The following DLG2 variants were observed in gnomAD, a reference collection of about 807,000 sequenced individuals.
DLG2 encodes disks large homolog 2.
Under a neutral mutation model 132.5 loss-of-function variants are expected in DLG2, and 45 were observed. The observed-to-expected ratio is 0.34, with a 90% CI of 0.27 to 0.44. DLG2 has a LOEUF of 0.44. DLG2 is among the 20% of genes least tolerant of loss of function. DLG2 has a pLI of 1.00. For missense variants in DLG2, 1,045 were observed against 1,196.9 expected (o/e 0.87, Z 1.87); for synonymous variants, 424 against 419.6 (o/e 1.01, Z -0.13).
intron 11 of DLG2, among the ~76,000 whole-genome samples, chr11:84,052,958 T>G (rs959401847): frequency 3.3e-5 from 5 of 152,070 alleles, no homozygotes; most frequent in African/African-American, 1.2e-4. Flanking sequence ...TAAAGATACA[T>G]GCAGGTGTCT....
intron 14 of DLG2, among the ~76,000 whole-genome samples, chr11:83,959,808 C>T (rs2088011190): frequency 6.6e-6 from 1 of 151,924 alleles, no homozygotes; most frequent in Non-Finnish European, 1.5e-5. Flanking sequence ...TGCTATGAGG[C>T]AATTACTTAA....
chr11:85,341,110 TTTTTG>T (rs10641157), intron 3 of DLG2, among the ~76,000 whole-genome samples: 2 of 150,102 alleles, frequency 1.3e-5, no homozygotes, highest in African/African-American at 2.5e-5. Flanking sequence ...TTCTTGTTTG[TTTTTG>T]TTTTGTTTTG....
At chr11:85,199,170 G>A (rs2081275080) in intron 4 of DLG2, among the ~76,000 whole-genome samples, 1 of 152,086 alleles carries the variant, frequency 6.6e-6, no homozygotes, top group African/African-American at 2.4e-5. Context: ...CTCTTCAATA[G>A]ATCAAGTTGT....
chr11:84,142,320 A>T (rs1319814958), intron 9 of DLG2, among the ~76,000 whole-genome samples: 1 of 3,810 alleles, frequency 2.6e-4, no homozygotes, highest in Non-Finnish European at 1.3e-3. Flanking sequence ...AATCCATCTC[A>T]AAAAAAAAAA....
Position 84,650,420 on chromosome 11 carries a change from T to C in DLG2, c.358-115689A>G, listed in dbSNP as rs59668353. Reference sequence around the variant, plus strand: ...TTTCATTACTGACTTGAGACTATTATGGAGAAATTGGACATCTTAATTACT... The same window carrying C: ...TTTCATTACTGACTTGAGACTATTACGGAGAAATTGGACATCTTAATTACT... On this transcript the variant is annotated intron_variant, in intron 6 of 27. Coordinates refer to ENST00000376104, the MANE Select transcript of DLG2 (RefSeq NM_001142699.3). Among the ~76,000 whole-genome samples, 589 of 152,310 alleles carry C rather than the reference T, an allele frequency of 3.9e-3. 4 individuals are homozygous for C. The highest frequency in any genetic ancestry group is 0.013 in the African/African-American group (558 of 41,574).
chr11:84,454,187 T>A (rs1169848790), intron 7 of DLG2, among the ~76,000 whole-genome samples: 1 of 151,416 alleles, frequency 6.6e-6, no homozygotes. Context: ...ATTAGCAGTA[T>A]GAATTGAAAA....
intron 6 of DLG2, among the ~76,000 whole-genome samples, chr11:84,976,083 C>T (rs892901420): frequency 6.6e-6 from 1 of 152,278 alleles, no homozygotes; most frequent in African/African-American, 2.4e-5. Flanking sequence ...CTTTCTCTAT[C>T]CTCCCTCCTT....
chr11:83,574,932 C>T (rs1444233078), intron 19 of DLG2, among the ~76,000 whole-genome samples: 3 of 152,168 alleles, frequency 2.0e-5, no homozygotes, highest in African/African-American at 7.2e-5. Flanking sequence ...CATCTTACAA[C>T]CACTGTGTAT....
At chr11:85,089,300 G>A (rs935107984) in intron 6 of DLG2, among the ~76,000 whole-genome samples, 3 of 152,010 alleles carry the variant, frequency 2.0e-5, no homozygotes, top group African/African-American at 7.2e-5. Flanking sequence ...CCCAATTCTA[G>A]TAGACCCTAG....
At chr11:85,375,106 T>A (rs2085302543) in intron 3 of DLG2, among the ~76,000 whole-genome samples, 1 of 152,082 alleles carries the variant, frequency 6.6e-6, no homozygotes, top group Non-Finnish European at 1.5e-5. Context: ...CTTTTTTTTT[T>A]ATCCTGGAAC....
chr11:85,595,064 C>CAAAAAAAAAAA (rs947518185), intron 3 of DLG2, among the ~76,000 whole-genome samples: 1 of 58,224 alleles, frequency 1.7e-5, no homozygotes, highest in Admixed American at 1.8e-4. Flanking sequence ...GACTCTGTCT[C>CAAAAAAAAAAA]AAAAAAAAAA....
chr11:84,585,829 T>C (rs1266509587), intron 6 of DLG2, among the ~76,000 whole-genome samples: 1 of 152,230 alleles, frequency 6.6e-6, no homozygotes, highest in Non-Finnish European at 1.5e-5. Context: ...TCTGTAACTT[T>C]AGTAATTTTT....
At chr11:85,536,385 CCCT>C (rs1423411490) in intron 3 of DLG2, among the ~76,000 whole-genome samples, 2 of 152,192 alleles carry the variant, frequency 1.3e-5, no homozygotes, top group Admixed American at 6.5e-5. Context: ...TATTCTCCTG[CCCT>C]CCTTTCTCCT....
chr11:83,588,177 G>A (rs890242956), intron 19 of DLG2, among the ~76,000 whole-genome samples: 5 of 151,966 alleles, frequency 3.3e-5, no homozygotes, highest in African/African-American at 4.8e-5. Flanking sequence ...CACCTCTGGG[G>A]GCAGGGCACA....
rs568443210 is a variant in DLG2, at chr11:85,463,588, G to C, written c.40+135069C>G. Among the ~76,000 whole-genome samples the C allele has an allele frequency of 2.0e-5, 3 of 152,244 alleles. No individual in the cohort carries two copies. In the South Asian group the frequency reaches 6.2e-4, roughly 32 times the overall value. ...GAGGCCAGGAGTATGAGACCAATCT[G>C]GGCTACATAGTCTATAAAAAAATTT... On this transcript the variant is annotated intron_variant, in intron 3 of 27. Transcript: ENST00000376104.
intron 6 of DLG2, among the ~76,000 whole-genome samples, chr11:84,901,551 CTTA>C (rs775025387): frequency 2.9e-4 from 33 of 115,658 alleles, no homozygotes; most frequent in Non-Finnish European, 5.8e-4. Context: ...GTTAATTAAT[CTTA>C]AACTCTGTTA....
chr11:84,529,868 T>C (rs774745642), intron 7 of DLG2, among the ~76,000 whole-genome samples: 1 of 151,932 alleles, frequency 6.6e-6, no homozygotes, highest in Non-Finnish European at 1.5e-5. Flanking sequence ...AAGCTGTGAG[T>C]ATCACATTCT....
At chr11:83,915,519 G>C (rs2076779287) in intron 15 of DLG2, among the ~76,000 whole-genome samples, 1 of 152,008 alleles carries the variant, frequency 6.6e-6, no homozygotes, top group African/African-American at 2.4e-5. Flanking sequence ...TAGTAAATGA[G>C]AACTATAGCC....
At chr11:84,302,705 ATAAT>A (rs1371693423) in intron 7 of DLG2, among the ~76,000 whole-genome samples, 1 of 152,210 alleles carries the variant, frequency 6.6e-6, no homozygotes, top group Admixed American at 6.5e-5. Flanking sequence ...TTTAAACTAA[ATAAT>A]ACAAATTGTT....
Sources: allele counts gnomAD v4.1 joint callset (sites outside exome capture counted in the v4.1 genomes callset), GRCh38; gene constraint gnomAD v4.1.1; transcripts MANE v1.5; gene names NCBI Gene and HGNC (gene_info 2026-07-23, HGNC 2026-07-21).